QKI: variants seen among roughly 807,000 people sequenced by gnomAD.
QKI encodes QKI, KH domain containing RNA binding.
QKI carries 10 observed loss-of-function variants against 39.0 expected under a neutral mutation model. That is an observed-to-expected ratio of 0.26 (90% CI 0.16 to 0.43). The LOEUF is 0.43. QKI is among the 20% of genes least tolerant of loss of function. The pLI is 1.00. For synonymous variants in QKI, 204 were observed against 155.4 expected, an observed-to-expected ratio of 1.31 and a Z score of -2.33; for missense variants, 218 against 428.0, an observed-to-expected ratio of 0.51 and a Z score of 4.33.
chr6:163,445,083 A>G (rs928501826), intron 1 of QKI, among the ~76,000 whole-genome samples: 2 of 151,928 alleles, frequency 1.3e-5, no homozygotes, highest in Admixed American at 6.6e-5. Context: ...TTTTGTGGAG[A>G]TGGGATTTGC....
rs372349649 is a variant in QKI at position 163,518,597 on chromosome 6, T to C, written c.403-16385T>C. On this transcript the variant is annotated intron_variant, in intron 3 of 7. Coordinates refer to ENST00000361752, the MANE Select transcript of QKI (RefSeq NM_006775.3). ...AAGGAAGAGAGTATTTTGTACCTTT[T>C]TGTGAAGAAGGCTTTATTTTGGCTG... 1.6e-4 allele frequency among the ~76,000 whole-genome samples: 24 copies of C among 152,286 alleles called. No individual in the cohort carries two copies. In the South Asian group the frequency reaches 4.6e-3, roughly 29 times the overall value.
chr6:163,478,878 A>C lies in QKI; in HGVS notation c.384A>C (p.Ser128=). Residue 128 remains serine (S), a synonymous_variant, in exon 3 of 8, where the codon TCA becomes TCC. Coordinates refer to ENST00000361752, the MANE Select transcript of QKI (RefSeq NM_006775.3). The part of the protein sequence containing the change: ...GCKIMVRGKG[S]MRDKKKEEQN... ...AAATCATGGTCCGAGGCAAAGGCTCAATGAGGGATAAAAAAAAGGTAAGTC... is the reference window on the plus strand; with the variant it reads ...AAATCATGGTCCGAGGCAAAGGCTCCATGAGGGATAAAAAAAAGGTAAGTC... The C allele has an allele frequency of 1.2e-6, 2 of 1,612,668 alleles. No individual in the cohort carries two copies. The highest frequency in any genetic ancestry group is 1.7e-6 in the Non-Finnish European group (2 of 1,179,088).
At chr6:163,559,692 T>C (rs1382197568) in intron 4 of QKI, among the ~76,000 whole-genome samples, 1 of 152,212 alleles carries the variant, frequency 6.6e-6, no homozygotes, top group African/African-American at 2.4e-5. Flanking sequence ...TATTTTTCTT[T>C]AATTCTTGTG....
intron 3 of QKI, among the ~76,000 whole-genome samples, chr6:163,501,288 A>AG (rs1778742879): frequency 6.6e-6 from 1 of 150,760 alleles, no homozygotes; most frequent in South Asian, 2.1e-4. Flanking sequence ...TTTAACATTA[A>AG]AAAAAAAAAA....
chr6:163,512,218 A>G (rs1779527285), intron 3 of QKI, among the ~76,000 whole-genome samples: 1 of 152,030 alleles, frequency 6.6e-6, no homozygotes. Context: ...TTATGAAAAG[A>G]CATAGTAATA....
chr6:163,530,282 C>G (rs1434101809), intron 3 of QKI, among the ~76,000 whole-genome samples: 1 of 152,142 alleles, frequency 6.6e-6, no homozygotes, highest in Non-Finnish European at 1.5e-5. Flanking sequence ...ATCATCATCC[C>G]TCCTGTCTGC....
chr6:163,445,701 G>A (rs1011458454), intron 1 of QKI, among the ~76,000 whole-genome samples: 6 of 148,998 alleles, frequency 4.0e-5, no homozygotes, highest in Non-Finnish European at 5.9e-5. Flanking sequence ...TCCAGGCTCC[G>A]CCTCCCGGGT....
intron 7 of QKI, chr6:163,568,774 T>C (rs375680557): frequency 3.0e-6 from 3 of 984,804 alleles, no homozygotes; most frequent in Non-Finnish European, 2.4e-6. Flanking sequence ...TCTAGTTCTT[T>C]ACTAAAAGTA....
intron 1 of QKI, among the ~76,000 whole-genome samples, chr6:163,450,249 G>A (rs533427304): frequency 6.6e-6 from 1 of 151,996 alleles, no homozygotes; most frequent in African/African-American, 2.4e-5. Flanking sequence ...GTAGAGATGG[G>A]GTTTTGCCAT....
intron 3 of QKI, among the ~76,000 whole-genome samples, 191 bp downstream of exon 3, chr6:163,479,087 A>T (rs1291524446): frequency 6.6e-6 from 1 of 151,624 alleles, no homozygotes; most frequent in Non-Finnish European, 1.5e-5. Context: ...GGAGTTTGAG[A>T]CCACCCTAGC....
intron 7 of QKI, chr6:163,569,992 T>C: frequency 1.0e-6 from 1 of 986,448 alleles, no homozygotes; most frequent in Non-Finnish European, 1.2e-6. Flanking sequence ...TGTTGGCTAG[T>C]GCAAAAGGCC....
At chr6:163,538,431 G>C (rs1429316576) in intron 4 of QKI, among the ~76,000 whole-genome samples, 2 of 152,130 alleles carry the variant, frequency 1.3e-5, no homozygotes, top group Non-Finnish European at 2.9e-5. Flanking sequence ...AAGTGCGGTG[G>C]CCCTGAGGCA....
At chr6:163,447,592 T>C (rs1179971441) in intron 1 of QKI, among the ~76,000 whole-genome samples, 4 of 152,212 alleles carry the variant, frequency 2.6e-5, no homozygotes, top group African/African-American at 9.6e-5. Context: ...GTATGTGTGA[T>C]TGAGGACATA....
intron 4 of QKI, among the ~76,000 whole-genome samples, chr6:163,538,311 C>G (rs1223094892): frequency 6.6e-6 from 1 of 152,110 alleles, no homozygotes; most frequent in Non-Finnish European, 1.5e-5. Context: ...TAACAAAGTG[C>G]TGCGAAGAAA....
At chr6:163,568,043 G>C in intron 7 of QKI, 1 of 985,410 alleles carries the variant, frequency 1.0e-6, no homozygotes, top group Non-Finnish European at 1.2e-6. Context: ...ATTGTTCAGT[G>C]AACAAAATAG....
At chr6:163,568,150 T>C (rs1783480377) in intron 7 of QKI, 1 of 985,340 alleles carries the variant, frequency 1.0e-6, no homozygotes, top group Non-Finnish European at 1.2e-6. Context: ...GGAAAGTCAC[T>C]TGAGTTTTAA....
chr6:163,472,154 A>G (rs995779809), intron 2 of QKI, among the ~76,000 whole-genome samples: 3 of 151,850 alleles, frequency 2.0e-5, no homozygotes, highest in Admixed American at 6.6e-5. Context: ...CTTACCGATA[A>G]CATAAACAGT....
chr6:163,464,807 A>C (rs1791611124), intron 2 of QKI, among the ~76,000 whole-genome samples: 1 of 152,208 alleles, frequency 6.6e-6, no homozygotes, highest in Non-Finnish European at 1.5e-5. Context: ...AAAACTGAGC[A>C]GGAGAGAACA....
At chr6:163,489,136 T>TATAAAGA (rs1777885650) in intron 3 of QKI, among the ~76,000 whole-genome samples, 1 of 151,894 alleles carries the variant, frequency 6.6e-6, no homozygotes, top group Non-Finnish European at 1.5e-5. Flanking sequence ...AATGGGAGTG[T>TATAAAGA]ATAAAGAATA....
Sources: allele counts gnomAD v4.1 joint callset (sites outside exome capture counted in the v4.1 genomes callset), GRCh38; gene constraint gnomAD v4.1.1; transcripts MANE v1.5; gene names NCBI Gene and HGNC (gene_info 2026-07-23, HGNC 2026-07-21).